The following HIPK1 variants were observed in gnomAD, a reference collection of about 807,000 sequenced individuals.
The protein encoded by HIPK1 is homeodomain interacting protein kinase 1.
In HIPK1, 28 loss-of-function variants were observed where a neutral mutation model predicts 117.1. That is an observed-to-expected ratio of 0.24 (90% CI 0.18 to 0.33). The LOEUF is 0.33. Among genes scored for constraint, HIPK1 ranks in the 10% least tolerant of loss-of-function variants. The probability of loss-of-function intolerance (pLI) is 1.00; values close to 1 mark genes in which losing one functional copy is unlikely to be tolerated. For missense variants in HIPK1, 1,122 were observed against 1,475.1 expected (o/e 0.76, Z 3.92); for synonymous variants, 605 against 562.5 (o/e 1.08, Z -1.07).
chr1:113,930,511 A>G (rs1257270813), intron 1 of HIPK1: 1 of 152,232 alleles, frequency 6.6e-6, no homozygotes, highest in Non-Finnish European at 1.5e-5. Flanking sequence ...GTATATCTGT[A>G]CAAGGGAGAT....
intron 1 of HIPK1, 45 bp from the exon 2 acceptor site, chr1:113,940,337 T>C: frequency 6.7e-7 from 1 of 1,481,750 alleles, no homozygotes; most frequent in Non-Finnish European, 9.1e-7. Flanking sequence ...CTAAGCCTTG[T>C]ATCTTTTATC....
chr1:113,957,154 C>A lies in HIPK1; in HGVS notation c.1623C>A (p.Ile541=). 6.2e-7 allele frequency: 1 copy of A among 1,613,670 alleles called. No individual in the cohort carries two copies. The highest frequency in any genetic ancestry group is 8.5e-7 in the Non-Finnish European group (1 of 1,179,628). ...HVKSCFQNME[I]CKRRVHMYDT... ...AGTCTTGTTTTCAGAACATGGAGAT[C>A]TGCAAGCGGAGGGTTCACATGTATG... Residue 541 remains isoleucine (I), a synonymous_variant, in exon 7 of 16, where the codon ATC becomes ATA. Coordinates refer to ENST00000426820, the MANE Select transcript of HIPK1 (RefSeq NM_198268.3).
At chr1:113,971,790 C>T (rs1298588810) in intron 14 of HIPK1, 34 bp from the exon 15 acceptor site, 2 of 1,576,234 alleles carry the variant, frequency 1.3e-6, no homozygotes, top group Admixed American at 2.1e-5. Flanking sequence ...TCAGTGATGT[C>T]TACTCATAAC....
intron 1 of HIPK1, among the ~76,000 whole-genome samples, chr1:113,930,092 G>C (rs1490871925): frequency 6.6e-6 from 1 of 152,194 alleles, no homozygotes; most frequent in Non-Finnish European, 1.5e-5. Context: ...CGGGCGCCGC[G>C]TCTTGCGGCC....
intron 2 of HIPK1, among the ~76,000 whole-genome samples, chr1:113,945,547 G>C (rs528760970): frequency 6.6e-6 from 1 of 152,192 alleles, no homozygotes; most frequent in Non-Finnish European, 1.5e-5. Flanking sequence ...TCTTTGGCAT[G>C]TGACTATTCA....
At chr1:113,933,715 A>C (rs1670054142) in intron 1 of HIPK1, among the ~76,000 whole-genome samples, 1 of 151,988 alleles carries the variant, frequency 6.6e-6, no homozygotes, top group South Asian at 2.1e-4. Context: ...AAATACAAAA[A>C]AATTAGCTGG....
At chr1:113,965,385 G>T (rs897364054) in intron 10 of HIPK1, among the ~76,000 whole-genome samples, 1 of 151,930 alleles carries the variant, frequency 6.6e-6, no homozygotes, top group African/African-American at 2.4e-5. Flanking sequence ...TTTAAAACTA[G>T]AAATCATGTA....
chr1:113,952,928 G>A, intron 3 of HIPK1, 39 bp downstream of exon 3: 1 of 1,425,798 alleles, frequency 7.0e-7, no homozygotes, highest in African/African-American at 1.5e-5. Flanking sequence ...AATGCAAATA[G>A]TTACTTGTGA....
intron 1 of HIPK1, chr1:113,929,900 G>A: frequency 9.1e-6 from 9 of 986,556 alleles, no homozygotes; most frequent in Non-Finnish European, 1.1e-5. Flanking sequence ...GCCTCCTCAC[G>A]GCAGCCCCAG....
At position 113,973,492 on chromosome 1, in the gene HIPK1, A is replaced by G. The variant is rs987232515; in HGVS notation, c.3613A>G (p.Ser1205Gly). ...ATACCCGCTGAGTCCTACCAAGATC[A>G]GCCAGTATTCCTACTTATAGTTGGT... Reference protein sequence around the residue: ...TGYPLSPTKISQYSYL With the variant: ...TGYPLSPTKIGQYSYL Residue 1205 changes from serine to glycine, a missense_variant, in exon 16 of 16, where the codon AGC (serine) becomes GGC (glycine). Physicochemically the swap from Ser to Gly is moderately conservative, Grantham distance 56. Around this residue, in one of 6 missense-constraint regions of HIPK1, gnomAD observed 731 missense variants for 860.4 expected, o/e 0.85. Transcript: ENST00000426820. The G allele has an allele frequency of 2.5e-6, 4 of 1,595,690 alleles. No homozygotes were observed. Among genetic ancestry groups the G allele is most frequent in the Non-Finnish European group, 3.4e-6 (4 of 1,168,874 alleles).
chr1:113,938,965 T>TACACACACACACACACACACAC (rs1558126082), intron 1 of HIPK1, among the ~76,000 whole-genome samples: 3 of 109,282 alleles, frequency 2.7e-5, no homozygotes, highest in Admixed American at 8.9e-5. Context: ...CACACACACT[T>TACACACACACACACACACACAC]AGGAGATGGA....
chr1:113,949,027 T>G (rs1269389494), intron 2 of HIPK1, among the ~76,000 whole-genome samples: 7 of 152,092 alleles, frequency 4.6e-5, no homozygotes, highest in African/African-American at 1.4e-4. Flanking sequence ...TAGTAGAGAC[T>G]GGGTTTCATC....
At chr1:113,929,905 C>T (rs568525463) in intron 1 of HIPK1, 1 of 986,392 alleles carries the variant, frequency 1.0e-6, no homozygotes, top group South Asian at 4.7e-5. Flanking sequence ...CTCACGGCAG[C>T]CCCAGCTCGC....
intron 1 of HIPK1, chr1:113,929,962 G>C: frequency 5.1e-6 from 5 of 985,414 alleles, no homozygotes; most frequent in Non-Finnish European, 6.0e-6. Context: ...GGGCAGGAGG[G>C]GTCCTCGGCG....
intron 3 of HIPK1, chr1:113,953,846 G>C (rs1315563580): frequency 2.0e-5 from 3 of 152,006 alleles, no homozygotes; most frequent in Non-Finnish European, 4.4e-5. Flanking sequence ...AAATGTTCCT[G>C]CCCTTTATGA....
chr1:113,961,041 C>A (rs1176805564), intron 8 of HIPK1, among the ~76,000 whole-genome samples: 2 of 152,124 alleles, frequency 1.3e-5, no homozygotes, highest in African/African-American at 4.8e-5. Flanking sequence ...AACAAAATTG[C>A]AGACATTAGT....
At chr1:113,951,061 G>T (rs1318325213) in intron 2 of HIPK1, 5 of 192,330 alleles carry the variant, frequency 2.6e-5, no homozygotes, top group Non-Finnish European at 4.8e-5. Context: ...TAGAATTGAT[G>T]ACATCATAAT....
intron 2 of HIPK1, among the ~76,000 whole-genome samples, chr1:113,944,163 T>C (rs1049919716): frequency 8.2e-6 from 1 of 121,702 alleles, no homozygotes; most frequent in Non-Finnish European, 1.7e-5. Flanking sequence ...CCATGGGTTT[T>C]TTTTTTTTTT....
At chr1:113,929,657 C>T in intron 1 of HIPK1, 125 bp downstream of exon 1, 1 of 952,640 alleles carries the variant, frequency 1.0e-6, no homozygotes, top group Non-Finnish European at 1.4e-6. Context: ...AGCAAGGGGC[C>T]CGGCGGTAGC....
Sources: gnomAD v4.1 joint callset for allele counts (sites outside exome capture counted in the v4.1 genomes callset) on GRCh38, gnomAD v4.1.1 for gene constraint, gnomAD v4.1.1 regional missense constraint, MANE v1.5 for transcripts, NCBI Gene and HGNC (gene_info 2026-07-23, HGNC 2026-07-21) for gene names.